Variants in PARD3 observed in about 807,000 individuals in gnomAD.
PARD3 encodes partitioning defective 3 homolog.
In PARD3, 75 loss-of-function variants were observed where a neutral mutation model predicts 155.4. That is an observed-to-expected ratio of 0.48 (90% CI 0.40 to 0.58). PARD3 has a LOEUF of 0.58. Ranked by LOEUF, PARD3 falls within the 20% of genes least tolerant of loss-of-function variation. PARD3 has a pLI of 0.00. For synonymous variants in PARD3, 576 were observed against 610.5 expected (o/e 0.94, Z 0.83); for missense variants, 1,642 against 1,721.7 (o/e 0.95, Z 0.82).
At chr10:34,457,554 T>C (rs539160555) in intron 4 of PARD3, among the ~76,000 whole-genome samples, 9 of 152,204 alleles carry the variant, frequency 5.9e-5, no homozygotes, top group Non-Finnish European at 1.2e-4. Context: ...CAACCCATTC[T>C]CATGGTTACA....
At chr10:34,505,489 T>C (rs190123884) in intron 3 of PARD3, among the ~76,000 whole-genome samples, 1 of 152,282 alleles carries the variant, frequency 6.6e-6, no homozygotes, top group Admixed American at 6.5e-5. Flanking sequence ...GGGGGTCCAG[T>C]AGCACATGGT....
intron 1 of PARD3, among the ~76,000 whole-genome samples, chr10:34,783,928 G>A (rs1840602431): frequency 6.6e-6 from 1 of 152,030 alleles, no homozygotes; most frequent in Non-Finnish European, 1.5e-5. Context: ...AGTATTCTAG[G>A]CCAGGTACAG....
rs1320891313 is a variant in PARD3 at position 34,794,751 on chromosome 10, ACTT to A, written c.120+20122_120+20124del. On this transcript the variant is annotated intron_variant, in intron 1 of 24. Transcript: ENST00000374788. ...GGCTCATGAAATATGAACACAAACT[ACTT>A]CTTAAGTTTGTCAGCTTCAAAAGTT... 4.6e-5 allele frequency among the ~76,000 whole-genome samples: 7 copies of A among 152,356 alleles called. No individual in the cohort carries two copies. In the East Asian group the frequency reaches 9.6e-4, roughly 21 times the overall value.
At chr10:34,226,590 G>T (rs559521328) in intron 22 of PARD3, among the ~76,000 whole-genome samples, 187 of 152,314 alleles carry the variant, frequency 1.2e-3, no homozygotes, top group African/African-American at 4.2e-3. Flanking sequence ...TGGTGGAGAT[G>T]TGACTATATT....
At chr10:34,616,398 G>A (rs2091259281) in intron 2 of PARD3, among the ~76,000 whole-genome samples, 1 of 152,072 alleles carries the variant, frequency 6.6e-6, no homozygotes, top group African/African-American at 2.4e-5. Context: ...CAATGGAAAA[G>A]AAATCAGCAC....
At chr10:34,813,353 G>A (rs1844453406) in intron 1 of PARD3, among the ~76,000 whole-genome samples, 1 of 152,132 alleles carries the variant, frequency 6.6e-6, no homozygotes, top group African/African-American at 2.4e-5. Flanking sequence ...CAGAGTGCCT[G>A]AACAATTTGA....
At chr10:34,393,460 AGTC>A (rs1468767920) in intron 7 of PARD3, among the ~76,000 whole-genome samples, 23 of 152,120 alleles carry the variant, frequency 1.5e-4, no homozygotes, top group African/African-American at 5.5e-4. Flanking sequence ...ACTTGCCTGT[AGTC>A]CCAGCTGCTT....
At chr10:34,129,261 T>C (rs1156493287) in intron 23 of PARD3, among the ~76,000 whole-genome samples, 1 of 152,224 alleles carries the variant, frequency 6.6e-6, no homozygotes, top group East Asian at 1.9e-4. Context: ...CAAGTGATTC[T>C]TCTGCCTCAG....
intron 22 of PARD3, among the ~76,000 whole-genome samples, chr10:34,152,333 T>C (rs1393381098): frequency 1.3e-5 from 2 of 152,224 alleles, no homozygotes; most frequent in Admixed American, 6.5e-5. Context: ...TATATGAACA[T>C]AGATGATGTA....
intron 22 of PARD3, among the ~76,000 whole-genome samples, chr10:34,169,637 C>G (rs114333150): frequency 6.6e-6 from 1 of 152,016 alleles, no homozygotes; most frequent in African/African-American, 2.4e-5. Context: ...ATTAAACACA[C>G]GATGGAACAG....
chr10:34,343,208 G>A (rs967303954), intron 15 of PARD3: 2 of 493,972 alleles, frequency 4.0e-6, no homozygotes, highest in Non-Finnish European at 5.2e-6. Context: ...CACCACTGAC[G>A]AGGCATGTCA....
At chr10:34,131,022 C>G (rs1211604201) in intron 23 of PARD3, among the ~76,000 whole-genome samples, 1 of 152,024 alleles carries the variant, frequency 6.6e-6, no homozygotes, top group Non-Finnish European at 1.5e-5. Flanking sequence ...ATCGCACCAC[C>G]GCACTCCAGC....
chr10:34,618,074 A>G (rs1167167292), intron 2 of PARD3, among the ~76,000 whole-genome samples: 1 of 152,218 alleles, frequency 6.6e-6, no homozygotes. Context: ...TTTCTAAACT[A>G]TAACCACAGG....
chr10:34,662,162 A>G (rs1223538477), intron 2 of PARD3, among the ~76,000 whole-genome samples: 1 of 152,156 alleles, frequency 6.6e-6, no homozygotes, highest in African/African-American at 2.4e-5. Flanking sequence ...TTTCCCCAAC[A>G]TCACCCATCA....
In PARD3 at chr10:34,337,289, C is replaced by A; in HGVS notation, c.2546G>T (p.Ser849Ile). The A allele has an allele frequency of 6.3e-7, 1 of 1,596,104 alleles. No homozygotes were observed. Among genetic ancestry groups the A allele is most frequent in the Admixed American group, 1.8e-5 (1 of 56,660 alleles). ...ATTGTACTCACTACCTAAATCCATGCTTTTTGATTTTCGTGTTTTAACGAA... is the reference window on the plus strand; with the variant it reads ...ATTGTACTCACTACCTAAATCCATGATTTTTGATTTTCGTGTTTTAACGAA... ...LDFVKTRKSK[S>I]MDLGIADETK... The change falls in exon 17 of 25, where the codon AGC (serine) becomes ATC (isoleucine). Residue 849 changes from serine to isoleucine, a missense_variant. This residue lies in a region of PARD3 where 1,529 missense variants were observed against 1,587.3 expected (regional missense o/e 0.96). Transcript: ENST00000374788.
intron 15 of PARD3, chr10:34,346,050 T>C (rs763922223): frequency 1.8e-5 from 18 of 986,620 alleles, no homozygotes; most frequent in Non-Finnish European, 1.9e-5. Flanking sequence ...AGTAACGCAT[T>C]TGTCACCCCC....
chr10:34,623,468 T>G (rs1350773334), intron 2 of PARD3, among the ~76,000 whole-genome samples: 1 of 152,206 alleles, frequency 6.6e-6, no homozygotes, highest in Non-Finnish European at 1.5e-5. Flanking sequence ...CAACTTTAAT[T>G]GAAAACAAAG....
chr10:34,629,690 T>C (rs2092162299), intron 2 of PARD3, among the ~76,000 whole-genome samples: 1 of 152,230 alleles, frequency 6.6e-6, no homozygotes, highest in Admixed American at 6.5e-5. Context: ...GTGGCTAAAA[T>C]GTTTGAGATA....
intron 3 of PARD3, among the ~76,000 whole-genome samples, chr10:34,509,773 C>T (rs2081293210): frequency 6.6e-6 from 1 of 151,936 alleles, no homozygotes; most frequent in African/African-American, 2.4e-5. Flanking sequence ...AAACAACAAA[C>T]ACACGCATCG....
Sources: allele counts gnomAD v4.1 joint callset (sites outside exome capture counted in the v4.1 genomes callset), GRCh38; gene constraint gnomAD v4.1.1; regional missense constraint gnomAD v4.1.1; transcripts MANE v1.5; gene names NCBI Gene and HGNC (gene_info 2026-07-23, HGNC 2026-07-21).